The following PIK3C3 variants were observed in gnomAD, a reference collection of about 807,000 sequenced individuals.
PIK3C3 encodes the protein phosphatidylinositol 3-kinase catalytic subunit type 3, also known as PI3-kinase type 3.
PIK3C3 carries 95 observed loss-of-function variants against 126.1 expected under a neutral mutation model. The ratio of observed to expected loss-of-function variants is 0.75; its 90% CI spans 0.64 to 0.89. The LOEUF is 0.89. Ranked by LOEUF, PIK3C3 falls within the 40% of genes least tolerant of loss-of-function variation. The pLI, the probability that PIK3C3 is intolerant of heterozygous loss-of-function variation, is 0.00. For missense variants in PIK3C3, 829 were observed against 1,063.2 expected (o/e 0.78, Z 3.06); for synonymous variants, 374 against 360.0 (o/e 1.04, Z -0.44).
intron 4 of PIK3C3, among the ~76,000 whole-genome samples, chr18:41,987,262 A>G (rs1598870532): frequency 6.6e-6 from 1 of 152,102 alleles, no homozygotes; most frequent in East Asian, 1.9e-4. Context: ...TTGGTATGTA[A>G]GACCTCACAG....
chr18:41,984,709 C>A (rs575005003), intron 4 of PIK3C3, among the ~76,000 whole-genome samples: 135 of 152,242 alleles, frequency 8.9e-4, no homozygotes, highest in Middle Eastern at 3.4e-3. Context: ...ACTCTACACA[C>A]CTGCTCCCTT....
chr18:41,972,190 T>C (rs368645941), intron 4 of PIK3C3, among the ~76,000 whole-genome samples: 1 of 152,088 alleles, frequency 6.6e-6, no homozygotes, highest in East Asian at 1.9e-4. Context: ...TTTTTATGAT[T>C]GAAACAGTAA....
intron 2 of PIK3C3, among the ~76,000 whole-genome samples, chr18:41,961,815 A>T (rs1001306851): frequency 6.6e-6 from 1 of 151,332 alleles, no homozygotes; most frequent in Non-Finnish European, 1.5e-5. Context: ...TAGAGGGTTT[A>T]AAAAAAAAGA....
Position 42,064,740 on chromosome 18 carries a change from G to A in PIK3C3, c.2433G>A (p.Arg811=), listed in dbSNP as rs769642096. The A allele has an allele frequency of 2.2e-5, 33 of 1,505,766 alleles. No homozygotes were observed. The East Asian group carries it at 7.0e-4, about 32-fold the overall frequency. The allele number at this position is 1,505,766 out of a possible 1,614,324, so 93.3% of individuals were successfully genotyped here. A position where few individuals can be genotyped will look rare whatever the true frequency, so the allele number is the denominator to read the frequency against. The change falls in exon 23 of 25, where the codon AGG becomes AGA. Residue 811 remains arginine (R), a splice_region_variant and synonymous_variant. Transcript: ENST00000262039. The part of the protein sequence containing the change: ...QCYTAFLHLR[R]YSNLILNLFS... Reference sequence around the variant, plus strand: ...TTTTTTCTTTTCTGCTCTTCTTTAGGTATTCTAATCTGATTTTGAACTTGT... The same window carrying A: ...TTTTTTCTTTTCTGCTCTTCTTTAGATATTCTAATCTGATTTTGAACTTGT...
chr18:42,076,125 C>CATAT lies in PIK3C3; in HGVS notation c.2650-4983_2650-4980dup, dbSNP rs1170833789. On this transcript the variant is annotated intron_variant, in intron 24 of 24. Coordinates refer to ENST00000262039, the MANE Select transcript of PIK3C3 (RefSeq NM_002647.4). ...ATATATATATATATATATATATGCG[C>CATAT]ATATATATATATATATATGCGCATA... is the stretch of plus-strand genomic sequence containing the variant. 1.4e-3 allele frequency among the ~76,000 whole-genome samples: 65 copies of CATAT among 47,652 alleles called. 1 individual carries two copies. The highest frequency in any genetic ancestry group is 3.0e-3 in the African/African-American group (17 of 5,666). 31.3% of individuals were successfully genotyped at this position (47,652 alleles called of 152,430 possible).
intron 21 of PIK3C3, among the ~76,000 whole-genome samples, chr18:42,057,025 A>C (rs1417386195): frequency 6.6e-6 from 1 of 151,176 alleles, no homozygotes; most frequent in Admixed American, 6.6e-5. Flanking sequence ...TTTCAGTCAT[A>C]AATCATTCAG....
intron 22 of PIK3C3, among the ~76,000 whole-genome samples, chr18:42,060,286 C>T (rs1985257293): frequency 6.6e-6 from 1 of 152,034 alleles, no homozygotes; most frequent in African/African-American, 2.4e-5. Flanking sequence ...AACATTGTAC[C>T]ACATAAGCAG....
chr18:42,056,145 T>A (rs1380687581), intron 21 of PIK3C3, among the ~76,000 whole-genome samples: 1 of 151,894 alleles, frequency 6.6e-6, no homozygotes, highest in African/African-American at 2.4e-5. Flanking sequence ...AAATATTAAC[T>A]TTAAAAAAAA....
rs750339205 is a variant in PIK3C3, at chr18:41,988,921, C to T, written c.618+1023C>T. On this transcript the variant is annotated intron_variant, in intron 5 of 24. Coordinates refer to ENST00000262039, the MANE Select transcript of PIK3C3 (RefSeq NM_002647.4). ...CTTAGATATCACTGGGTATAGAAAA[C>T]GTAATGTTAGAGTTTGCCCAGCCTT... Among the ~76,000 whole-genome samples, 7 of 151,958 alleles carry T rather than the reference C, an allele frequency of 4.6e-5. No homozygotes were observed. The East Asian group carries it at 5.8e-4, about 13-fold the overall frequency.
Position 42,066,462 on chromosome 18 carries a change from CA to C in PIK3C3, c.2524-924del, listed in dbSNP as rs565493317. On this transcript the variant is annotated intron_variant, in intron 23 of 24. Transcript: ENST00000262039. ...TTGAGAAGTATATGTGGGTTATTTACAAGAGAAAGGAGTAGTCTGTAATGGT... is the reference window on the plus strand; with the variant it reads ...TTGAGAAGTATATGTGGGTTATTTACAGAGAAAGGAGTAGTCTGTAATGGT... Among the ~76,000 whole-genome samples the C allele has an allele frequency of 8.9e-4, 136 of 152,218 alleles. 1 individual carries two copies. The South Asian group carries it at 0.026, about 30-fold the overall frequency.
At chr18:42,054,178 AT>A (rs1984951423) in intron 21 of PIK3C3, among the ~76,000 whole-genome samples, 1 of 66,674 alleles carries the variant, frequency 1.5e-5, no homozygotes, top group Admixed American at 1.4e-4. Flanking sequence ...ATATATATAT[AT>A]ATATATATAT....
At position 42,064,743 on chromosome 18, in the gene PIK3C3, TTCTAA is replaced by T; in HGVS notation, c.2440_2444del (p.Asn814AspfsTer10). The T allele has an allele frequency of 6.5e-7, 1 of 1,539,606 alleles. No homozygotes were observed. Among genetic ancestry groups the T allele is most frequent in the Non-Finnish European group, 9.0e-7 (1 of 1,112,650 alleles). ...TTTCTTTTCTGCTCTTCTTTAGGTA[TTCTAA>T]TCTGATTTTGAACTTGTTTTCCTTG... On this transcript the variant is annotated frameshift_variant, in exon 23 of 25. Coordinates refer to ENST00000262039, the MANE Select transcript of PIK3C3 (RefSeq NM_002647.4). LOFTEE classifies it high-confidence loss of function.
chr18:42,045,746 G>T (rs894913960), intron 20 of PIK3C3, among the ~76,000 whole-genome samples: 1 of 152,172 alleles, frequency 6.6e-6, no homozygotes, highest in East Asian at 1.9e-4. Flanking sequence ...GATGAAAAGG[G>T]TGTCACAGAA....
chr18:42,013,911 C>A (rs1982948199), intron 11 of PIK3C3, among the ~76,000 whole-genome samples: 1 of 152,114 alleles, frequency 6.6e-6, no homozygotes, highest in Non-Finnish European at 1.5e-5. Context: ...ATTAACTCAT[C>A]TTTAAGGGTT....
intron 13 of PIK3C3, among the ~76,000 whole-genome samples, chr18:42,021,869 T>C (rs1983337924): frequency 6.6e-6 from 1 of 151,976 alleles, no homozygotes; most frequent in Non-Finnish European, 1.5e-5. Flanking sequence ...TATTCAAAAA[T>C]CAAAAAAAAC....
At chr18:41,960,303 C>G (rs1259458881) in intron 2 of PIK3C3, among the ~76,000 whole-genome samples, 1 of 152,048 alleles carries the variant, frequency 6.6e-6, no homozygotes, top group Non-Finnish European at 1.5e-5. Flanking sequence ...AAGTTTTTTT[C>G]TTATGTGAAT....
At chr18:41,955,605 G>A (rs1006560037) in intron 1 of PIK3C3, among the ~76,000 whole-genome samples, 4 of 152,204 alleles carry the variant, frequency 2.6e-5, no homozygotes, top group African/African-American at 9.6e-5. Flanking sequence ...AAGTTCCGCT[G>A]TATTTTACAG....
At chr18:42,074,331 ATG>A (rs1376037925) in intron 24 of PIK3C3, among the ~76,000 whole-genome samples, 1 of 106,276 alleles carries the variant, frequency 9.4e-6, no homozygotes, top group African/African-American at 6.1e-5. Context: ...ATTTTTGTTT[ATG>A]TTTTTTTTCT....
chr18:42,044,710 A>G (rs1984484473), intron 20 of PIK3C3, among the ~76,000 whole-genome samples: 1 of 152,150 alleles, frequency 6.6e-6, no homozygotes, highest in African/African-American at 2.4e-5. Context: ...ATGAGCCACC[A>G]TCCCCAGCAT....
Sources: allele counts gnomAD v4.1 joint callset (sites outside exome capture counted in the v4.1 genomes callset), GRCh38; gene constraint gnomAD v4.1.1; transcripts MANE v1.5; gene names NCBI Gene and HGNC (gene_info 2026-07-23, HGNC 2026-07-21).